ATAD3C: variants seen among roughly 807,000 people sequenced by gnomAD.
ATAD3C encodes ATPase family AAA domain-containing protein 3C.
Under a neutral mutation model 46.3 loss-of-function variants are expected in ATAD3C, and 38 were observed. That is an observed-to-expected ratio of 0.82 (90% CI 0.63 to 1.08). The LOEUF (loss-of-function observed/expected upper bound fraction) is 1.08. Ranked by LOEUF, ATAD3C falls within the 50% of genes least tolerant of loss-of-function variation. ATAD3C has a pLI of 0.00. For synonymous variants in ATAD3C, 220 were observed against 236.4 expected, an observed-to-expected ratio of 0.93 and a Z score of 0.63; for missense variants, 563 against 572.7, an observed-to-expected ratio of 0.98 and a Z score of 0.17.
chr1:1,456,773 G>T (rs948792096), intron 7 of ATAD3C, among the ~76,000 whole-genome samples: 1 of 150,882 alleles, frequency 6.6e-6, no homozygotes, highest in Non-Finnish European at 1.5e-5. Context: ...GTGACCCCGC[G>T]CAGGGCACAG....
chr1:1,462,480 A>G lies in ATAD3C; in HGVS notation c.981-120A>G, dbSNP rs1172632344. The G allele has an allele frequency of 2.8e-6, 3 of 1,057,330 alleles. No individual in the cohort carries two copies. The highest frequency in any genetic ancestry group is 4.2e-6 in the Non-Finnish European group (3 of 710,046). The allele number at this position is 1,057,330 out of a possible 1,614,324, so 65.5% of individuals were successfully genotyped here. A position where few individuals can be genotyped will look rare whatever the true frequency, so the allele number is the denominator to read the frequency against. On this transcript the variant is annotated intron_variant, in intron 10 of 11. Transcript: ENST00000378785. This position sits in a 1 kb window ranked among gnomAD's most constrained non-coding sequence, Gnocchi z 4.5. ...GGCGGAACTTGGCTGTCACAGGTAG[A>G]GAGTCCCTCTCAAGGGGGCATCTGG...
In ATAD3C at chr1:1,462,567, C is replaced by T. The variant is rs1341853075; in HGVS notation, c.981-33C>T. ...CACCTCGTGGTGTGGGAGCTGCTGC[C>T]TTGGCCGGCCCACTTGGGAACTCCT... On this transcript the variant is annotated intron_variant, in intron 10 of 11. Transcript: ENST00000378785. The surrounding 1 kb of genome is among the most constrained non-coding windows in gnomAD (Gnocchi z 4.5). The T allele has an allele frequency of 2.6e-6, 4 of 1,556,144 alleles. No homozygotes were observed. The Admixed American group carries it at 7.8e-5, about 30-fold the overall frequency.
intron 8 of ATAD3C, 81 bp downstream of exon 8, chr1:1,457,261 C>T: frequency 6.3e-7 from 1 of 1,594,020 alleles, no homozygotes; most frequent in African/African-American, 1.3e-5. Context: ...GGCCGCAGCC[C>T]ACTGCTCAAT....
chr1:1,454,789 G>T lies in ATAD3C; in HGVS notation c.378+289G>T, dbSNP rs547867579. Among the ~76,000 whole-genome samples, 3 of 151,992 alleles carry T rather than the reference G, an allele frequency of 2.0e-5. No homozygotes were observed. The East Asian group carries it at 5.8e-4, about 29-fold the overall frequency. On this transcript the variant is annotated intron_variant, in intron 4 of 11. Transcript: ENST00000378785. ...CCGGGATTTGGGTGTGCGGCCGTCT[G>T]TCGGGGAAGCTGCTACAGGCCACAG...
rs1638916569 is a variant in ATAD3C at position 1,454,419 on chromosome 1, C to CGAGGCTCGGCTGGG, written c.300_313dup (p.Lys105ArgfsTer9). The CGAGGCTCGGCTGGG allele has an allele frequency of 6.2e-7, 1 of 1,609,036 alleles. No homozygotes were observed. The highest frequency in any genetic ancestry group is 2.2e-5 in the East Asian group (1 of 44,760). On this transcript the variant is annotated frameshift_variant, in exon 4 of 12. Coordinates refer to ENST00000378785, the MANE Select transcript of ATAD3C (RefSeq NM_001039211.3). LOFTEE classifies it high-confidence loss of function. ...CGACAGCCGTCACTGGCCGCTACAT[C>CGAGGCTCGGCTGGG]GAGGCTCGGCTGGGGAAGCCGTCCC...
intron 1 of ATAD3C, 119 bp downstream of exon 1, chr1:1,450,877 C>T (rs1638847436): frequency 1.4e-6 from 2 of 1,470,328 alleles, no homozygotes; most frequent in South Asian, 2.4e-5. Flanking sequence ...GCAGTGGGGC[C>T]CAGGGCCAAG....
chr1:1,461,650 G>C (rs375822550), intron 10 of ATAD3C, among the ~76,000 whole-genome samples: 6,921 of 110,828 alleles, frequency 0.062, 399 homozygotes, highest in African/African-American at 0.3. Context: ...TGTAGGGACT[G>C]GAGGGAGAGG....
At position 1,452,061 on chromosome 1, in the gene ATAD3C, G is replaced by A. The variant is rs745945408; in HGVS notation, c.91G>A (p.Asp31Asn). 1 of 1,613,612 alleles carries A rather than the reference G, an allele frequency of 6.2e-7. No homozygotes were observed. The highest frequency in any genetic ancestry group is 8.5e-7 in the Non-Finnish European group (1 of 1,179,628). The change falls in exon 2 of 12, where the codon GAT (aspartate) becomes AAT (asparagine). Residue 31 changes from aspartate to asparagine, a missense_variant. Asp to Asn is a conservative substitution (Grantham distance 23). Coordinates refer to ENST00000378785, the MANE Select transcript of ATAD3C (RefSeq NM_001039211.3). ...QSKLKQLVNE[D>N]LRKQEESVQK... ...TTCTTCTCAGCAACTTGTCAATGAG[G>A]ATTTACGGAAGCAGGAGGAGTCCGT...
chr1:1,451,383 G>A (rs1038776145), intron 1 of ATAD3C, among the ~76,000 whole-genome samples: 1 of 151,168 alleles, frequency 6.6e-6, no homozygotes, highest in African/African-American at 2.4e-5. Context: ...GTCTCACTCT[G>A]TTGCCCAGGC....
At chr1:1,466,243 A>C (rs911185187) in intron 11 of ATAD3C, among the ~76,000 whole-genome samples, 10 of 97,760 alleles carry the variant, frequency 1.0e-4, no homozygotes, top group Non-Finnish European at 1.3e-4. Context: ...CTTCTGTCTC[A>C]AAAAAAAAAA....
In ATAD3C at chr1:1,459,971, C is replaced by T. The variant is rs1225823414; in HGVS notation, c.812+740C>T. Among the ~76,000 whole-genome samples the T allele has an allele frequency of 6.6e-6, 1 of 152,068 alleles. No individual in the cohort carries two copies. Among genetic ancestry groups the T allele is most frequent in the Non-Finnish European group, 1.5e-5 (1 of 67,988 alleles). ...GCTGCCGGTAGACGCTCCCTGGAGC[C>T]CTGACTCGGGTCCTTCCCAGAGAGG... On this transcript the variant is annotated intron_variant, in intron 9 of 11. Coordinates refer to ENST00000378785, the MANE Select transcript of ATAD3C (RefSeq NM_001039211.3). The surrounding 1 kb of genome is among the most constrained non-coding windows in gnomAD (Gnocchi z 4.9).
intron 11 of ATAD3C, among the ~76,000 whole-genome samples, chr1:1,467,963 G>A (rs571481835): frequency 6.6e-6 from 1 of 152,124 alleles, no homozygotes; most frequent in South Asian, 2.1e-4. Flanking sequence ...GCCTCAAGGT[G>A]GGCAGTGGCT....
intron 8 of ATAD3C, 65 bp downstream of exon 8, chr1:1,457,245 G>C (rs561415991): frequency 1.9e-6 from 3 of 1,607,328 alleles, no homozygotes; most frequent in East Asian, 4.5e-5. Context: ...CTGTCATCCT[G>C]GGCCAGGCCG....
At position 1,455,456 on chromosome 1, in the gene ATAD3C, C is replaced by T. The variant is rs767162161; in HGVS notation, c.379-4C>T. ...ACCCAATGGTGCTTCCCCTTCCCCTCCAGCAGGTCAGCCGGCGGCTCCTCA... is the reference window on the plus strand; with the variant it reads ...ACCCAATGGTGCTTCCCCTTCCCCTTCAGCAGGTCAGCCGGCGGCTCCTCA... On this transcript the variant is annotated splice_polypyrimidine_tract_variant and splice_region_variant and intron_variant, in intron 4 of 11. Coordinates refer to ENST00000378785, the MANE Select transcript of ATAD3C (RefSeq NM_001039211.3). 1.9e-6 allele frequency: 3 copies of T among 1,611,948 alleles called. No individual in the cohort carries two copies. The highest frequency in any genetic ancestry group is 2.5e-6 in the Non-Finnish European group (3 of 1,179,202).
At chr1:1,458,275 C>G (rs1408399054) in intron 8 of ATAD3C, among the ~76,000 whole-genome samples, 1 of 151,494 alleles carries the variant, frequency 6.6e-6, no homozygotes, top group East Asian at 1.9e-4. Context: ...TCCACCACCC[C>G]CAGCCATACA....
chr1:1,467,715 G>A (rs1476370054), intron 11 of ATAD3C, among the ~76,000 whole-genome samples: 1 of 152,082 alleles, frequency 6.6e-6, no homozygotes, highest in Non-Finnish European at 1.5e-5. Flanking sequence ...CCCAGTGGGG[G>A]TCCCCACACC....
Position 1,462,577 on chromosome 1 carries a change from C to T in ATAD3C, c.981-23C>T, listed in dbSNP as rs1639086895. On this transcript the variant is annotated intron_variant, in intron 10 of 11. Coordinates refer to ENST00000378785, the MANE Select transcript of ATAD3C (RefSeq NM_001039211.3). This position sits in a 1 kb window ranked among gnomAD's most constrained non-coding sequence, Gnocchi z 4.5. ...TGTGGGAGCTGCTGCCTTGGCCGGC[C>T]CACTTGGGAACTCCTTCCCCAGGCG... 11 of 1,572,322 alleles carry T rather than the reference C, an allele frequency of 7.0e-6. No individual in the cohort carries two copies. Among genetic ancestry groups the T allele is most frequent in the Non-Finnish European group, 9.5e-6 (11 of 1,157,966 alleles).
chr1:1,455,668 C>A, intron 5 of ATAD3C, 123 bp from the exon 6 acceptor site: 1 of 1,557,122 alleles, frequency 6.4e-7, no homozygotes, highest in South Asian at 1.2e-5. Flanking sequence ...GATAGATAGG[C>A]TGCCCACGAG....
At position 1,455,783 on chromosome 1, in the gene ATAD3C, C is replaced by T; in HGVS notation, c.439-8C>T. The T allele has an allele frequency of 1.2e-6, 2 of 1,613,214 alleles. 1 individual carries two copies. The highest frequency in any genetic ancestry group is 1.7e-6 in the Non-Finnish European group (2 of 1,179,618). Reference sequence around the variant, plus strand: ...CTGTGTCCTCCAAGCCCCTGTCTTCCTCGGCAGCCCAGCCTGGAAGCACGG... The same window carrying T: ...CTGTGTCCTCCAAGCCCCTGTCTTCTTCGGCAGCCCAGCCTGGAAGCACGG... On this transcript the variant is annotated splice_polypyrimidine_tract_variant and splice_region_variant and intron_variant, in intron 5 of 11. Transcript: ENST00000378785.
Sources: allele counts gnomAD v4.1 joint callset (sites outside exome capture counted in the v4.1 genomes callset), GRCh38; gene constraint gnomAD v4.1.1; non-coding constraint Gnocchi (gnomAD v3.1); transcripts MANE v1.5; gene names NCBI Gene and HGNC (gene_info 2026-07-23, HGNC 2026-07-21).